Variants in GALNT17 observed in about 807,000 individuals in gnomAD.
GALNT17 encodes the protein polypeptide N-acetylgalactosaminyltransferase 17.
GALNT17 carries 29 observed loss-of-function variants against 63.7 expected under a neutral mutation model. That is an observed-to-expected ratio of 0.46 (90% confidence interval 0.34 to 0.62). The LOEUF (loss-of-function observed/expected upper bound fraction) is 0.62. Ranked by LOEUF, GALNT17 falls within the 20% of genes least tolerant of loss-of-function variation. The pLI, the probability that GALNT17 is intolerant of heterozygous loss-of-function variation, is 0.01. For synonymous variants in GALNT17, 305 were observed against 318.3 expected (o/e 0.96, Z 0.45); for missense variants, 603 against 799.6 (o/e 0.75, Z 2.97).
At chr7:71,217,140 GTTTTGTTTTTTTTT>G (rs1585888504) in intron 1 of GALNT17, among the ~76,000 whole-genome samples, 1 of 95,214 alleles carries the variant, frequency 1.1e-5, no homozygotes, top group African/African-American at 4.3e-5. Flanking sequence ...ATTTTTTCGT[GTTTTGTTTTTTTTT>G]TTTTTTTTTT....
chr7:71,667,383 A>T (rs113480681), intron 7 of GALNT17, among the ~76,000 whole-genome samples: 1 of 152,210 alleles, frequency 6.6e-6, no homozygotes. Flanking sequence ...TTATGTAAAG[A>T]TAGGTAACAT....
chr7:71,324,119 C>T (rs1791662986), intron 1 of GALNT17, among the ~76,000 whole-genome samples: 1 of 152,142 alleles, frequency 6.6e-6, no homozygotes, highest in Non-Finnish European at 1.5e-5. Context: ...GGCAAGGACT[C>T]CACTAATAAG....
intron 1 of GALNT17, among the ~76,000 whole-genome samples, chr7:71,285,322 A>G (rs1293538921): frequency 6.6e-6 from 1 of 152,134 alleles, no homozygotes; most frequent in African/African-American, 2.4e-5. Flanking sequence ...TGGTTGGCTA[A>G]TCCTTGCTTT....
chr7:71,381,344 T>C (rs1208717674), intron 2 of GALNT17, among the ~76,000 whole-genome samples: 1 of 152,086 alleles, frequency 6.6e-6, no homozygotes, highest in Non-Finnish European at 1.5e-5. Flanking sequence ...ATGTGGAAAT[T>C]AGGGCTGATG....
chr7:71,709,814 G>A (rs1367660522), intron 9 of GALNT17, among the ~76,000 whole-genome samples: 1 of 152,116 alleles, frequency 6.6e-6, no homozygotes, highest in Non-Finnish European at 1.5e-5. Context: ...GGTCAGGCTG[G>A]TCTCGAACTC....
At chr7:71,533,652 C>T (rs974871372) in intron 5 of GALNT17, among the ~76,000 whole-genome samples, 2 of 152,142 alleles carry the variant, frequency 1.3e-5, no homozygotes, top group African/African-American at 2.4e-5. Context: ...GCTATAGGTT[C>T]GCTTTGCATG....
rs564196786 is a variant in GALNT17, at chr7:71,630,636, C to T, written c.1081-34775C>T. On this transcript the variant is annotated intron_variant, in intron 6 of 10. Coordinates refer to ENST00000333538, the MANE Select transcript of GALNT17 (RefSeq NM_022479.3). Reference sequence around the variant, plus strand: ...AATCAGCCAGCAAATGGAAACATACCCAGAGAGGCAGCTGGTGTAATTGGC... The same window carrying T: ...AATCAGCCAGCAAATGGAAACATACTCAGAGAGGCAGCTGGTGTAATTGGC... Among the ~76,000 whole-genome samples, 13 of 152,166 alleles carry T rather than the reference C, an allele frequency of 8.5e-5. 2 individuals are homozygous for T. The South Asian group carries it at 2.7e-3, about 32-fold the overall frequency.
Position 71,627,416 on chromosome 7 carries a change from C to T in GALNT17, c.1081-37995C>T, listed in dbSNP as rs1473770559. ...CCTGGGCAACAGAGACAGACCCGGTCTCGAAAAGAAAATAAAAGGAAAAGA... is the reference window on the plus strand; with the variant it reads ...CCTGGGCAACAGAGACAGACCCGGTTTCGAAAAGAAAATAAAAGGAAAAGA... On this transcript the variant is annotated intron_variant, in intron 6 of 10. Transcript: ENST00000333538. Among the ~76,000 whole-genome samples, 9 of 152,236 alleles carry T rather than the reference C, an allele frequency of 5.9e-5. No individual in the cohort carries two copies. In the East Asian group the frequency reaches 1.7e-3, roughly 29 times the overall value.
At chr7:71,448,502 T>C (rs1787198582) in intron 5 of GALNT17, among the ~76,000 whole-genome samples, 1 of 152,130 alleles carries the variant, frequency 6.6e-6, no homozygotes, top group Non-Finnish European at 1.5e-5. Context: ...ATTTCTGGGG[T>C]ATTTTCTTAA....
At chr7:71,206,283 C>T (rs79763998) in intron 1 of GALNT17, among the ~76,000 whole-genome samples, 1 of 151,834 alleles carries the variant, frequency 6.6e-6, no homozygotes, top group Non-Finnish European at 1.5e-5. Flanking sequence ...GGGCACTTAA[C>T]CCGGTCTAGA....
At chr7:71,244,276 C>G (rs1042610855) in intron 1 of GALNT17, among the ~76,000 whole-genome samples, 7 of 152,188 alleles carry the variant, frequency 4.6e-5, no homozygotes, top group African/African-American at 1.7e-4. Context: ...AGGGAGAATG[C>G]TTGCCAAGGT....
chr7:71,144,782 T>C (rs1585835870), intron 1 of GALNT17, among the ~76,000 whole-genome samples: 1 of 151,888 alleles, frequency 6.6e-6, no homozygotes, highest in South Asian at 2.1e-4. Flanking sequence ...CAGGCTGGAG[T>C]GCAGTGGCAC....
At chr7:71,451,208 G>T (rs190291400) in intron 5 of GALNT17, among the ~76,000 whole-genome samples, 1 of 152,200 alleles carries the variant, frequency 6.6e-6, no homozygotes, top group East Asian at 1.9e-4. Flanking sequence ...GCAATAGTTT[G>T]CTGAGAATTG....
intron 2 of GALNT17, among the ~76,000 whole-genome samples, chr7:71,337,256 G>T (rs554605869): frequency 1.3e-5 from 2 of 152,036 alleles, no homozygotes; most frequent in South Asian, 2.1e-4. Flanking sequence ...TGTTTCCATT[G>T]TTGGAAATTT....
chr7:71,450,931 C>CT (rs5884839), intron 5 of GALNT17, among the ~76,000 whole-genome samples: 19,816 of 147,370 alleles, frequency 0.13, 1,337 homozygotes, highest in Middle Eastern at 0.2. Flanking sequence ...TTTTTTTATT[C>CT]TTTTTTTTTT....
At chr7:71,275,547 A>T (rs1790667260) in intron 1 of GALNT17, among the ~76,000 whole-genome samples, 1 of 152,210 alleles carries the variant, frequency 6.6e-6, no homozygotes, top group African/African-American at 2.4e-5. Context: ...ACTGAGCTGC[A>T]GGGCTGTTAG....
intron 5 of GALNT17, among the ~76,000 whole-genome samples, chr7:71,421,970 AAGG>A (rs1786674648): frequency 6.6e-6 from 1 of 151,380 alleles, no homozygotes; most frequent in South Asian, 2.1e-4. Context: ...AAAAAAAAGC[AAGG>A]AGGTTGAATG....
chr7:71,560,746 A>G (rs539164993), intron 5 of GALNT17, among the ~76,000 whole-genome samples: 57 of 152,324 alleles, frequency 3.7e-4, no homozygotes, highest in African/African-American at 1.3e-3. Context: ...CTAGGTGACC[A>G]TATAGGGTTT....
In GALNT17 at chr7:71,406,190, T is replaced by C. The variant is rs531098216; in HGVS notation, c.590-9699T>C. Among the ~76,000 whole-genome samples, 60 of 152,312 alleles carry C rather than the reference T, an allele frequency of 3.9e-4. 1 individual carries two copies. Among genetic ancestry groups the C allele is most frequent in the Non-Finnish European group, 1.8e-4 (12 of 68,028 alleles). Reference sequence around the variant, plus strand: ...ATTTGGGGATATAAATATTTCATTATAGACACAGACAAGCATAGTATTTGA... The same window carrying C: ...ATTTGGGGATATAAATATTTCATTACAGACACAGACAAGCATAGTATTTGA... On this transcript the variant is annotated intron_variant, in intron 3 of 10. Transcript: ENST00000333538.
Sources: allele counts gnomAD v4.1 joint callset (sites outside exome capture counted in the v4.1 genomes callset), GRCh38; gene constraint gnomAD v4.1.1; transcripts MANE v1.5; gene names NCBI Gene and HGNC (gene_info 2026-07-23, HGNC 2026-07-21).